DCHS2: variants seen among roughly 807,000 people sequenced by gnomAD.
DCHS2 encodes the protein dachsous cadherin-related 2.
DCHS2 carries 142 observed loss-of-function variants against 182.4 expected under a neutral mutation model. The observed-to-expected ratio is 0.78, with a 90% confidence interval of 0.68 to 0.89. DCHS2 has a LOEUF of 0.89. DCHS2 is among the 40% of genes least tolerant of loss of function. The probability of loss-of-function intolerance (pLI) is 0.00; values close to 1 mark genes in which losing one functional copy is unlikely to be tolerated. For missense variants in DCHS2, 4,319 were observed against 4,198.6 expected (o/e 1.03, Z -0.79); for synonymous variants, 1,740 against 1,663.3 (o/e 1.05, Z -1.12).
chr4:154,404,496 T>C (rs1732318378), intron 1 of DCHS2, among the ~76,000 whole-genome samples: 2 of 152,234 alleles, frequency 1.3e-5, no homozygotes, highest in South Asian at 4.1e-4. Flanking sequence ...TCTGCAACTG[T>C]TAGATAGAAA....
intron 16 of DCHS2, among the ~76,000 whole-genome samples, chr4:154,252,683 A>G (rs1360482451): frequency 6.6e-6 from 1 of 151,538 alleles, no homozygotes; most frequent in Non-Finnish European, 1.5e-5. Flanking sequence ...TGGCTAAATA[A>G]TACTCCATTG....
At chr4:154,390,111 AT>A (rs1246771918) in intron 1 of DCHS2, among the ~76,000 whole-genome samples, 1 of 148,168 alleles carries the variant, frequency 6.7e-6, no homozygotes, top group African/African-American at 2.5e-5. Flanking sequence ...AAATTTTTTT[AT>A]TTTTTTTCTT....
At chr4:154,365,245 A>G (rs528627422) in intron 3 of DCHS2, among the ~76,000 whole-genome samples, 1 of 152,318 alleles carries the variant, frequency 6.6e-6, no homozygotes, top group South Asian at 2.1e-4. Context: ...AGTACAAAAA[A>G]AAAGGATCTA....
chr4:154,307,444 CA>C (rs1735488960), intron 10 of DCHS2, among the ~76,000 whole-genome samples: 1 of 7,094 alleles, frequency 1.4e-4, no homozygotes, highest in African/African-American at 1.6e-4. Context: ...TGCGCGCGCA[CA>C]CACACACACA....
intron 1 of DCHS2, among the ~76,000 whole-genome samples, chr4:154,410,314 T>C (rs1243045603): frequency 6.6e-6 from 1 of 151,040 alleles, no homozygotes; most frequent in East Asian, 1.9e-4. Context: ...AGCAAAGAGA[T>C]GGATATCATA....
At chr4:154,374,046 T>C in intron 2 of DCHS2, 1 of 1,106,990 alleles carries the variant, frequency 9.0e-7, no homozygotes, top group Non-Finnish European at 1.3e-6. Flanking sequence ...TAACCACCTC[T>C]ATATCTACAA....
Position 154,317,388 on chromosome 4 carries a change from G to A in DCHS2, c.5021-1401C>T, listed in dbSNP as rs189961874. Among the ~76,000 whole-genome samples, 141 of 152,296 alleles carry A rather than the reference G, an allele frequency of 9.3e-4. 1 individual carries two copies. Among genetic ancestry groups the A allele is most frequent in the African/African-American group, 3.2e-3 (132 of 41,550 alleles). ...AACAGATATCAGCAGCCTGTGTCTG[G>A]ACTATTTCTCTGTCAGTTGGGCATT... On this transcript the variant is annotated intron_variant, in intron 9 of 19. Coordinates refer to ENST00000357232, the MANE Select transcript of DCHS2 (RefSeq NM_001358235.2).
At position 154,333,258 on chromosome 4, in the gene DCHS2, C is replaced by A. The variant is rs1728575288; in HGVS notation, c.2950G>T (p.Asp984Tyr). ...DNHPAFLRTS[D>Y]EIRISQTTPP... ...GTGGTCTGGGATATTCTAATCTCAT[C>A]CGAGGTCCTGAGGAACGCTGGGTGG... Residue 984 changes from aspartate (D) to tyrosine (Y), a missense_variant, in exon 5 of 20, where the codon GAT becomes TAT. Coordinates refer to ENST00000357232, the MANE Select transcript of DCHS2 (RefSeq NM_001358235.2). 3 of 1,614,220 alleles carry A rather than the reference C, an allele frequency of 1.9e-6. No homozygotes were observed. Among genetic ancestry groups the A allele is most frequent in the Non-Finnish European group, 2.5e-6 (3 of 1,180,038 alleles).
chr4:154,291,131 C>T (rs562574414), intron 13 of DCHS2, among the ~76,000 whole-genome samples: 115 of 151,774 alleles, frequency 7.6e-4, no homozygotes, highest in African/African-American at 2.7e-3. Flanking sequence ...GGCAAAACAC[C>T]CAAATAGACA....
rs115436565 is a variant in DCHS2, at chr4:154,403,418, T to C, written c.2053-25974A>G. On this transcript the variant is annotated intron_variant, in intron 1 of 19. Coordinates refer to ENST00000357232, the MANE Select transcript of DCHS2 (RefSeq NM_001358235.2). ...GCATTTATTTAGATGATTATATAAA[T>C]TTTTCTCTTTTTTTCTAGTAATGTG... is the stretch of plus-strand genomic sequence containing the variant. Among the ~76,000 whole-genome samples, 695 of 152,302 alleles carry C rather than the reference T, an allele frequency of 4.6e-3. 4 individuals carry two copies. Among genetic ancestry groups the C allele is most frequent in the African/African-American group, 0.014 (599 of 41,570 alleles).
intron 7 of DCHS2, among the ~76,000 whole-genome samples, chr4:154,326,695 T>G (rs1174096663): frequency 2.0e-5 from 3 of 152,190 alleles, no homozygotes; most frequent in Admixed American, 2.0e-4. Flanking sequence ...CCCCCTCATA[T>G]GTCAAGTTTC....
At chr4:154,362,722 A>C (rs1325576847) in intron 3 of DCHS2, among the ~76,000 whole-genome samples, 1 of 152,124 alleles carries the variant, frequency 6.6e-6, no homozygotes, top group Non-Finnish European at 1.5e-5. Flanking sequence ...CACCCACGAG[A>C]CCGAAAGACC....
intron 10 of DCHS2, among the ~76,000 whole-genome samples, chr4:154,308,447 C>T (rs1481381099): frequency 1.3e-5 from 2 of 152,166 alleles, no homozygotes; most frequent in African/African-American, 4.8e-5. Context: ...TCACTCTATA[C>T]ATTCATGTCT....
chr4:154,486,532 G>GAAAACTTGTAGATGGCAAC (rs1313158008), intron 1 of DCHS2: 37 of 1,303,572 alleles, frequency 2.8e-5, no homozygotes, highest in Non-Finnish European at 2.0e-5. Context: ...TGTAAAAGAG[G>GAAAACTTGTAGATGGCAAC]AAAACTTGTA....
intron 13 of DCHS2, among the ~76,000 whole-genome samples, chr4:154,281,830 CAT>C (rs1734163072): frequency 6.6e-6 from 1 of 152,074 alleles, no homozygotes; most frequent in African/African-American, 2.4e-5. Context: ...TAAAGACAGA[CAT>C]ATAGACTAAT....
intron 1 of DCHS2, among the ~76,000 whole-genome samples, chr4:154,418,549 G>C (rs890795137): frequency 6.6e-6 from 1 of 152,142 alleles, no homozygotes; most frequent in African/African-American, 2.4e-5. Flanking sequence ...ATTTATTTCA[G>C]AAGAGCCAAT....
chr4:154,468,521 A>G (rs1735327899), intron 1 of DCHS2, among the ~76,000 whole-genome samples: 1 of 152,082 alleles, frequency 6.6e-6, no homozygotes, highest in South Asian at 2.1e-4. Context: ...CTCACCTGCC[A>G]TACAGTATAG....
chr4:154,284,529 C>A (rs1367207966), intron 13 of DCHS2: 1 of 151,360 alleles, frequency 6.6e-6, no homozygotes, highest in African/African-American at 2.4e-5. Flanking sequence ...TACAACCCCA[C>A]CTTCCCCATC....
At chr4:154,289,557 G>A (rs1349596888) in intron 13 of DCHS2, among the ~76,000 whole-genome samples, 1 of 151,840 alleles carries the variant, frequency 6.6e-6, no homozygotes, top group Non-Finnish European at 1.5e-5. Context: ...AAAAAATAAA[G>A]CAAGAGAGAA....
Sources: gnomAD v4.1 joint callset for allele counts (sites outside exome capture counted in the v4.1 genomes callset) on GRCh38, gnomAD v4.1.1 for gene constraint, MANE v1.5 for transcripts, NCBI Gene and HGNC (gene_info 2026-07-23, HGNC 2026-07-21) for gene names.